Variants in SUMF1 observed in about 807,000 individuals in gnomAD.
SUMF1 encodes the protein sulfatase modifying factor 1.
SUMF1 carries 48 observed loss-of-function variants against 47.6 expected under a neutral mutation model. The observed-to-expected ratio is 1.01, with a 90% confidence interval of 0.80 to 1.28. The LOEUF is 1.28. Ranked by LOEUF, SUMF1 falls within the 50% of genes most tolerant of loss-of-function variation. SUMF1 has a pLI of 0.00. For synonymous variants in SUMF1, 230 were observed against 192.1 expected, an observed-to-expected ratio of 1.20 and a Z score of -1.63; for missense variants, 571 against 485.4, an observed-to-expected ratio of 1.18 and a Z score of -1.66.
At chr3:4,106,363 T>C (rs1693158304) in intron 8 of SUMF1, among the ~76,000 whole-genome samples, 1 of 152,084 alleles carries the variant, frequency 6.6e-6, no homozygotes. Context: ...AATAGCACTG[T>C]TCACCAGGCC....
downstream of SUMF1, among the ~76,000 whole-genome samples, chr3:4,360,539 G>C (rs1181338598): frequency 6.6e-6 from 1 of 151,934 alleles, no homozygotes; most frequent in African/African-American, 2.4e-5. Context: ...TGGCATGTTG[G>C]CCAAGCTAAT....
chr3:4,107,950 A>C (rs1044984984), intron 8 of SUMF1, among the ~76,000 whole-genome samples: 2 of 152,238 alleles, frequency 1.3e-5, no homozygotes, highest in East Asian at 3.9e-4. Context: ...AGTAAAAGAA[A>C]AGAAAGAAAG....
chr3:4,039,514 T>C (rs1478408873), intron 9 of SUMF1, among the ~76,000 whole-genome samples: 1 of 139,552 alleles, frequency 7.2e-6, no homozygotes, highest in African/African-American at 2.8e-5. Flanking sequence ...AGAATGATGG[T>C]TTCCAATTTC....
At chr3:4,043,972 T>TGTC (rs72433303) in intron 9 of SUMF1, among the ~76,000 whole-genome samples, 49 of 152,022 alleles carry the variant, frequency 3.2e-4, no homozygotes, top group Non-Finnish European at 6.6e-4. Context: ...TAGGCACATA[T>TGTC]TCCAAGGCTG....
chr3:4,289,718 G>C (rs903318149), intron 8 of SUMF1, among the ~76,000 whole-genome samples: 14 of 152,092 alleles, frequency 9.2e-5, no homozygotes, highest in African/African-American at 2.9e-4. Context: ...ATCCAGAAGG[G>C]GTAAAGCATC....
chr3:4,315,957 GAATC>G, intron 8 of SUMF1, among the ~76,000 whole-genome samples: 1 of 146,738 alleles, frequency 6.8e-6, no homozygotes, highest in Non-Finnish European at 1.5e-5. Context: ...TGAGGTACGA[GAATC>G]ACTTGAGCCC....
chr3:4,170,819 C>T (rs1694817629), intron 8 of SUMF1, among the ~76,000 whole-genome samples: 1 of 152,090 alleles, frequency 6.6e-6, no homozygotes, highest in Non-Finnish European at 1.5e-5. Context: ...TTCCTTACAC[C>T]TTATATTTAG....
intron 3 of SUMF1, among the ~76,000 whole-genome samples, chr3:4,446,595 A>C (rs1478451695): frequency 1.3e-5 from 2 of 152,236 alleles, no homozygotes; most frequent in Admixed American, 6.5e-5. Flanking sequence ...AAAAAGAAGA[A>C]GCACCAGACA....
intron 8 of SUMF1, 61 bp from the exon 9 acceptor site, chr3:4,362,315 C>A: frequency 7.3e-7 from 1 of 1,363,920 alleles, no homozygotes; most frequent in South Asian, 1.2e-5. Context: ...GGCTCTAACC[C>A]ATCAGATGCA....
intron 3 of SUMF1, among the ~76,000 whole-genome samples, chr3:4,430,004 C>A (rs1357745331): frequency 6.6e-6 from 1 of 152,106 alleles, no homozygotes; most frequent in Non-Finnish European, 1.5e-5. Context: ...TGGGAAGGAT[C>A]TGAGAAGATA....
intron 4 of SUMF1, among the ~76,000 whole-genome samples, chr3:4,418,514 C>T (rs548615950): frequency 6.6e-6 from 1 of 152,346 alleles, no homozygotes; most frequent in African/African-American, 2.4e-5. Flanking sequence ...AGTGACTAAC[C>T]AACCACAGCA....
chr3:4,110,737 G>A (rs183168639), intron 8 of SUMF1, among the ~76,000 whole-genome samples: 9 of 150,604 alleles, frequency 6.0e-5, no homozygotes, highest in East Asian at 2.0e-4. Flanking sequence ...GCAATCTATC[G>A]CAAGGACAAA....
chr3:4,380,446 A>T (rs936049193), intron 7 of SUMF1, among the ~76,000 whole-genome samples: 3 of 152,196 alleles, frequency 2.0e-5, no homozygotes, highest in African/African-American at 4.8e-5. Flanking sequence ...TGAGAGAAGG[A>T]TGCGGACTGA....
chr3:4,276,662 C>T (rs1697423385), intron 8 of SUMF1, among the ~76,000 whole-genome samples: 1 of 152,054 alleles, frequency 6.6e-6, no homozygotes, highest in Non-Finnish European at 1.5e-5. Context: ...TCATATTGTG[C>T]CATATCATAA....
chr3:4,303,165 T>G, intron 8 of SUMF1: 1 of 489,190 alleles, frequency 2.0e-6, no homozygotes. Flanking sequence ...CTTACATGGT[T>G]TTGTAATTAT....
intron 8 of SUMF1, among the ~76,000 whole-genome samples, chr3:4,118,241 G>A (rs1693464630): frequency 6.6e-6 from 1 of 151,532 alleles, no homozygotes; most frequent in Non-Finnish European, 1.5e-5. Context: ...AGAAGATATT[G>A]CATGCTTGAA....
chr3:4,448,321 CAG>C (rs1293790427), intron 3 of SUMF1, among the ~76,000 whole-genome samples: 1 of 152,114 alleles, frequency 6.6e-6, no homozygotes, highest in Non-Finnish European at 1.5e-5. Context: ...CACGAGAGGA[CAG>C]AGTGAGGCCC....
chr3:4,210,337 C>G (rs920188325), intron 8 of SUMF1, among the ~76,000 whole-genome samples: 6 of 152,066 alleles, frequency 3.9e-5, no homozygotes, highest in Admixed American at 3.9e-4. Context: ...AAAGCCAATA[C>G]AATCTTGAAA....
intron 8 of SUMF1, among the ~76,000 whole-genome samples, chr3:4,348,948 C>T (rs374332649): frequency 6.6e-6 from 1 of 152,088 alleles, no homozygotes. Context: ...TGGGGAAAGA[C>T]TTCATGACAA....
Sources: allele counts gnomAD v4.1 joint callset (sites outside exome capture counted in the v4.1 genomes callset), GRCh38; gene constraint gnomAD v4.1.1; transcripts MANE v1.5; gene names NCBI Gene and HGNC (gene_info 2026-07-23, HGNC 2026-07-21).